FAM185A: variants seen among roughly 807,000 people sequenced by gnomAD.
FAM185A encodes family with sequence similarity 185 member A.
In FAM185A, 21 loss-of-function variants were observed where a neutral mutation model predicts 45.7. That is an observed-to-expected ratio of 0.46 (90% confidence interval 0.33 to 0.66). The LOEUF is 0.66. Among genes scored for constraint, FAM185A ranks in the 30% least tolerant of loss-of-function variants. The pLI, the probability that FAM185A is intolerant of heterozygous loss-of-function variation, is 0.03. For synonymous variants in FAM185A, 117 were observed against 194.0 expected (o/e 0.60, Z 3.30); for missense variants, 305 against 485.4 (o/e 0.63, Z 3.49).
At chr7:102,806,757 G>A (rs1797137799) in intron 7 of FAM185A, among the ~76,000 whole-genome samples, 3 of 152,116 alleles carry the variant, frequency 2.0e-5, no homozygotes, top group Admixed American at 2.0e-4. Context: ...ACAAACGAGG[G>A]GAGCTTTGTG....
chr7:102,847,651 G>A, the FAM185A span, among the ~76,000 whole-genome samples: 24 of 151,702 alleles, frequency 1.6e-4, no homozygotes, highest in South Asian at 2.1e-4. Flanking sequence ...CTCAGCCTCC[G>A]GAGTAGCTGG....
chr7:102,846,899 G>A, the FAM185A span, among the ~76,000 whole-genome samples: 12 of 152,222 alleles, frequency 7.9e-5, no homozygotes, highest in African/African-American at 2.9e-4. Context: ...GACGGTGGCT[G>A]TCTGCCTGCC....
In FAM185A at chr7:102,808,315, T is replaced by C. The variant is rs1484120111; in HGVS notation, c.1092T>C (p.Arg364=). Residue 364 remains arginine, a synonymous_variant, in exon 8 of 8, where the codon CGT becomes CGC. Coordinates refer to ENST00000413034, the MANE Select transcript of FAM185A (RefSeq NM_001145268.2). The stretch of plus-strand genomic sequence containing the variant: ...GACTCATGAATCAAGCAAGCAAACG[T>C]GAAAAATGGATTAAGGCTGATGCCC... ...VTGLMNQASK[R]EKWIKADAPK... The C allele has an allele frequency of 3.2e-6, 5 of 1,551,766 alleles. No homozygotes were observed. Among genetic ancestry groups the C allele is most frequent in the Non-Finnish European group, 4.4e-6 (5 of 1,146,978 alleles).
chr7:102,757,184 G>A (rs1438128382), intron 2 of FAM185A, among the ~76,000 whole-genome samples: 1 of 150,748 alleles, frequency 6.6e-6, no homozygotes, highest in Non-Finnish European at 1.5e-5. Flanking sequence ...TCTGGGATGT[G>A]TTGTGCTAGA....
chr7:102,831,457 C>T, the FAM185A span, among the ~76,000 whole-genome samples: 2 of 150,976 alleles, frequency 1.3e-5, no homozygotes, highest in African/African-American at 4.9e-5. Context: ...TTATCTTGTC[C>T]AAAATATGAA....
the FAM185A span, among the ~76,000 whole-genome samples, chr7:102,843,596 G>A: frequency 1.3e-5 from 2 of 151,934 alleles, no homozygotes; most frequent in African/African-American, 4.8e-5. Flanking sequence ...CCAACGTGGC[G>A]AAACCCCGTC....
chr7:102,780,947 C>G (rs1366759431), intron 6 of FAM185A, among the ~76,000 whole-genome samples: 2 of 152,158 alleles, frequency 1.3e-5, no homozygotes, highest in East Asian at 3.9e-4. Context: ...CCTGGAAAAT[C>G]GGGTCACTCC....
At chr7:102,817,147 T>C in the FAM185A span, among the ~76,000 whole-genome samples, 2 of 152,248 alleles carry the variant, frequency 1.3e-5, no homozygotes, top group Non-Finnish European at 2.9e-5. Context: ...CTGGATGAAA[T>C]GGTAATTCTA....
At position 102,751,443 on chromosome 7, in the gene FAM185A, C is replaced by T. The variant is rs573255452; in HGVS notation, c.452-249C>T. Reference sequence around the variant, plus strand: ...AACAGAATCGTAGTCTCCTTTACTTCCCATCTATGTTAGTTCTCTTTAGGT... The same window carrying T: ...AACAGAATCGTAGTCTCCTTTACTTTCCATCTATGTTAGTTCTCTTTAGGT... On this transcript the variant is annotated intron_variant, in intron 1 of 7. Transcript: ENST00000413034. Among the ~76,000 whole-genome samples the T allele has an allele frequency of 1.2e-4, 18 of 151,988 alleles. No individual in the cohort carries two copies. The South Asian group carries it at 3.5e-3, about 30-fold the overall frequency.
At chr7:102,759,455 G>A (rs1793979440) in intron 3 of FAM185A, among the ~76,000 whole-genome samples, 1 of 151,896 alleles carries the variant, frequency 6.6e-6, no homozygotes, top group Non-Finnish European at 1.5e-5. Flanking sequence ...ATTACATATA[G>A]TATTGATTTT....
the FAM185A span, chr7:102,834,755 T>C: frequency 1.3e-5 from 2 of 152,254 alleles, no homozygotes; most frequent in Non-Finnish European, 2.9e-5. Context: ...ATGATGACTA[T>C]AGTTAGTAAC....
chr7:102,781,999 G>A (rs1181498876), intron 6 of FAM185A, among the ~76,000 whole-genome samples: 1 of 152,244 alleles, frequency 6.6e-6, no homozygotes, highest in Non-Finnish European at 1.5e-5. Context: ...TGAGAACTAT[G>A]TGACGAATGC....
the FAM185A span, among the ~76,000 whole-genome samples, chr7:102,839,091 T>C: frequency 2.0e-5 from 3 of 152,244 alleles, no homozygotes; most frequent in Non-Finnish European, 4.4e-5. Context: ...AACCGCCCTA[T>C]GGCGGGAGAC....
the FAM185A span, among the ~76,000 whole-genome samples, chr7:102,831,391 C>T: frequency 5.8e-5 from 7 of 120,930 alleles, no homozygotes; most frequent in East Asian, 2.4e-4. Flanking sequence ...CTACAGTGCC[C>T]GGGACACACA....
chr7:102,749,752 C>CCCA, intron 1 of FAM185A, 94 bp downstream of exon 1: 4 of 1,466,616 alleles, frequency 2.7e-6, no homozygotes, highest in Non-Finnish European at 3.6e-6. Context: ...TTGGTCCTGG[C>CCCA]TCTCTAAACC....
At chr7:102,759,245 A>G (rs1393211731) in intron 3 of FAM185A, among the ~76,000 whole-genome samples, 2 of 152,282 alleles carry the variant, frequency 1.3e-5, no homozygotes, top group East Asian at 1.9e-4. Flanking sequence ...GCATTCAAAT[A>G]TAAGTATCAA....
chr7:102,825,944 C>T, the FAM185A span, among the ~76,000 whole-genome samples: 2 of 152,162 alleles, frequency 1.3e-5, no homozygotes, highest in Non-Finnish European at 2.9e-5. Flanking sequence ...TGCCACAGAA[C>T]TAAAGGAGAA....
the FAM185A span, among the ~76,000 whole-genome samples, chr7:102,834,084 A>AAGGAAGGAAGGAAGGAAG: frequency 4.9e-5 from 5 of 101,146 alleles, no homozygotes; most frequent in East Asian, 2.8e-4. Context: ...AAGGAAGGAA[A>AAGGAAGGAAGGAAGGAAG]GAAAAGAAAG....
intron 7 of FAM185A, among the ~76,000 whole-genome samples, chr7:102,807,087 G>A (rs2129444109): frequency 6.6e-6 from 1 of 152,086 alleles, no homozygotes; most frequent in South Asian, 2.1e-4. Flanking sequence ...TTTAAAAAGA[G>A]TGCATAACTG....
Sources: gnomAD v4.1 joint callset for allele counts (sites outside exome capture counted in the v4.1 genomes callset) on GRCh38, gnomAD v4.1.1 for gene constraint, MANE v1.5 for transcripts, NCBI Gene and HGNC (gene_info 2026-07-23, HGNC 2026-07-21) for gene names.